Variants in ZNF107 observed in about 807,000 individuals in gnomAD.
The protein encoded by ZNF107 is C2H2 type zinc-finger protein.
ZNF107 carries 19 observed loss-of-function variants against 12.3 expected under a neutral mutation model. The ratio of observed to expected loss-of-function variants is 1.55; its 90% CI spans 1.08 to 2.27. The LOEUF (loss-of-function observed/expected upper bound fraction) is 2.27. Ranked by LOEUF, ZNF107 falls within the 30% of genes most tolerant of loss-of-function variation. ZNF107 has a pLI of 0.00. For missense variants in ZNF107, 958 were observed against 979.9 expected (o/e 0.98, Z 0.30); for synonymous variants, 317 against 330.5 (o/e 0.96, Z 0.44).
In ZNF107 at chr7:64,679,680, G is replaced by A. The variant is rs368182464; in HGVS notation, c.4-11568G>A. 2.0e-4 allele frequency among the ~76,000 whole-genome samples: 30 copies of A among 152,120 alleles called. 1 individual carries two copies. In the Middle Eastern group the frequency reaches 0.014, roughly 69 times the overall value. On this transcript the variant is annotated intron_variant, in intron 1 of 3. Transcript: ENST00000620827. ...GTCCTTAGGAATCTAAAACCGCTCC[G>A]TCTTTCACCTGATTTGGAACCTAAA... is the stretch of plus-strand genomic sequence containing the variant.
intron 3 of ZNF107, among the ~76,000 whole-genome samples, chr7:64,697,328 T>C (rs974445831): frequency 6.6e-6 from 1 of 152,202 alleles, no homozygotes; most frequent in Non-Finnish European, 1.5e-5. Flanking sequence ...TTTGGGTATA[T>C]ACCCAGTAAT....
chr7:64,705,519 A>G (rs1488050484), intron 3 of ZNF107, among the ~76,000 whole-genome samples: 1 of 152,054 alleles, frequency 6.6e-6, no homozygotes, highest in Non-Finnish European at 1.5e-5. Flanking sequence ...TATTGCCCTA[A>G]TATTTTTTAT....
In ZNF107 at chr7:64,707,336, T is replaced by C; in HGVS notation, c.1239T>C (p.Thr413=). The change falls in exon 4 of 4, where the codon ACT becomes ACC. Residue 413 remains threonine (T), a synonymous_variant. Coordinates refer to ENST00000620827, the MANE Select transcript of ZNF107 (RefSeq NM_001282359.2). The part of the protein sequence containing the change: ...GKVFNQFSTL[T]RHKIIHTGEK... ...TCTTTAACCAGTTCTCAACTCTTAC[T>C]AGACATAAGATAATTCATACTGGAG... The C allele has an allele frequency of 6.2e-7, 1 of 1,613,242 alleles. No homozygotes were observed. The highest frequency in any genetic ancestry group is 8.5e-7 in the Non-Finnish European group (1 of 1,179,724).
rs79324677 is a variant in ZNF107 at position 64,684,605 on chromosome 7, C to T, written c.4-6643C>T. 23 of 985,384 alleles carry T rather than the reference C, an allele frequency of 2.3e-5. No individual in the cohort carries two copies. In the African/African-American group the frequency reaches 3.7e-4, roughly 16 times the overall value. 61.0% of individuals were successfully genotyped at this position (985,384 alleles called of 1,614,324 possible). On this transcript the variant is annotated intron_variant, in intron 1 of 3. Coordinates refer to ENST00000620827, the MANE Select transcript of ZNF107 (RefSeq NM_001282359.2). Reference sequence around the variant, plus strand: ...AAACTCACCGAAATCCCTGAAGAAACTTAAATGTCCTGCTCCTGTCCGCCC... The same window carrying T: ...AAACTCACCGAAATCCCTGAAGAAATTTAAATGTCCTGCTCCTGTCCGCCC...
intron 3 of ZNF107, among the ~76,000 whole-genome samples, chr7:64,702,677 C>A (rs1393545878): frequency 1.3e-5 from 2 of 152,086 alleles, no homozygotes; most frequent in East Asian, 1.9e-4. Flanking sequence ...CCTGCCTCAG[C>A]CTCCGGAGTA....
intron 1 of ZNF107, 58 bp downstream of exon 1, chr7:64,666,343 G>A (rs534769867): frequency 1.3e-6 from 2 of 1,595,504 alleles, no homozygotes; most frequent in Non-Finnish European, 1.7e-6. Flanking sequence ...GGAACCGATC[G>A]GAAGTGGCTG....
At chr7:64,700,806 T>C (rs183200113) in intron 3 of ZNF107, among the ~76,000 whole-genome samples, 1 of 152,060 alleles carries the variant, frequency 6.6e-6, no homozygotes, top group African/African-American at 2.4e-5. Context: ...TCCCAAAGTG[T>C]TGGGATTACA....
At chr7:64,689,158 T>C (rs1562834443) in intron 1 of ZNF107, among the ~76,000 whole-genome samples, 1 of 152,194 alleles carries the variant, frequency 6.6e-6, no homozygotes, top group Non-Finnish European at 1.5e-5. Flanking sequence ...GAGCAGCCTC[T>C]ATGAGGCGAT....
intron 1 of ZNF107, among the ~76,000 whole-genome samples, chr7:64,687,830 A>G (rs866325149): frequency 2.0e-5 from 3 of 152,188 alleles, no homozygotes; most frequent in Non-Finnish European, 4.4e-5. Flanking sequence ...TTTCTGTTCT[A>G]TCATTGTGGA....
At chr7:64,672,160 C>T (rs1372176154) in intron 1 of ZNF107, among the ~76,000 whole-genome samples, 1 of 151,864 alleles carries the variant, frequency 6.6e-6, no homozygotes, top group African/African-American at 2.4e-5. Context: ...TCCATGTGTT[C>T]TTATTATTTA....
At chr7:64,683,134 G>A (rs1377141504) in intron 1 of ZNF107, among the ~76,000 whole-genome samples, 3 of 152,146 alleles carry the variant, frequency 2.0e-5, no homozygotes, top group Non-Finnish European at 2.9e-5. Flanking sequence ...TGAACTAATT[G>A]CTTTAACTCA....
chr7:64,668,034 G>C (rs1789071009), intron 1 of ZNF107, among the ~76,000 whole-genome samples: 3 of 152,026 alleles, frequency 2.0e-5, no homozygotes. Context: ...TAGTCACTGA[G>C]GCATAGGGCA....
chr7:64,677,281 C>T (rs1181115023), intron 1 of ZNF107, among the ~76,000 whole-genome samples: 1 of 151,686 alleles, frequency 6.6e-6, no homozygotes, highest in Non-Finnish European at 1.5e-5. Flanking sequence ...AAGCCATTCA[C>T]CTGCCTCAGC....
Position 64,706,731 on chromosome 7 carries a change from T to C in ZNF107, c.634T>C (p.Trp212Arg), listed in dbSNP as rs529948635. ...KCEECGKAFNWFSTLTKHKRI... is the reference protein window; with the variant it reads ...KCEECGKAFNRFSTLTKHKRI... ...TGAAGAATGTGGAAAAGCCTTTAAC[T>C]GGTTCTCAACTCTTACTAAACATAA... The change falls in exon 4 of 4, where the codon TGG becomes CGG. Residue 212 changes from tryptophan (W) to arginine (R), a missense_variant. Trp to Arg is a moderately radical substitution (Grantham distance 101). Transcript: ENST00000620827. The C allele has an allele frequency of 1.2e-6, 2 of 1,612,474 alleles. No individual in the cohort carries two copies. The highest frequency in any genetic ancestry group is 1.1e-5 in the South Asian group (1 of 90,882).
intron 1 of ZNF107, chr7:64,690,324 G>C (rs1442909504): frequency 1.0e-6 from 1 of 977,890 alleles, no homozygotes; most frequent in Non-Finnish European, 1.2e-6. Context: ...TTGATGGGTT[G>C]AGCAGAGTAA....
chr7:64,676,656 A>T (rs1789423295), intron 1 of ZNF107, among the ~76,000 whole-genome samples: 2 of 152,214 alleles, frequency 1.3e-5, no homozygotes. Flanking sequence ...GTTCCTAAAT[A>T]AGATGGTTAA....
intron 1 of ZNF107, among the ~76,000 whole-genome samples, chr7:64,676,171 G>A (rs930190937): frequency 6.6e-6 from 1 of 152,142 alleles, no homozygotes; most frequent in African/African-American, 2.4e-5. Flanking sequence ...TAATTTGTAT[G>A]TAATTGTATG....
intron 1 of ZNF107, chr7:64,679,450 C>A: frequency 1.2e-6 from 1 of 826,838 alleles, no homozygotes; most frequent in Non-Finnish European, 1.5e-6. Context: ...GGAAGACAGG[C>A]TTCCCTAGGT....
chr7:64,701,119 TATATA>T (rs1790463163), intron 3 of ZNF107, among the ~76,000 whole-genome samples: 1 of 152,196 alleles, frequency 6.6e-6, no homozygotes. Context: ...ATTTTACTAT[TATATA>T]ATATCAATCT....
Sources: gnomAD v4.1 joint callset for allele counts (sites outside exome capture counted in the v4.1 genomes callset) on GRCh38, gnomAD v4.1.1 for gene constraint, MANE v1.5 for transcripts, NCBI Gene and HGNC (gene_info 2026-07-23, HGNC 2026-07-21) for gene names.